The following INPP4B variants were observed in gnomAD, a reference collection of about 807,000 sequenced individuals.
The protein encoded by INPP4B is inositol polyphosphate 4-phosphatase type II.
A neutral mutation model predicts 122.5 loss-of-function variants in INPP4B; 55 were observed. The observed-to-expected ratio is 0.45, with a 90% CI of 0.36 to 0.56. The LOEUF is 0.56. Ranked by LOEUF, INPP4B falls within the 20% of genes least tolerant of loss-of-function variation. The pLI is 0.00. For synonymous variants in INPP4B, 403 were observed against 388.7 expected (o/e 1.04, Z -0.43); for missense variants, 1,000 against 1,097.7 (o/e 0.91, Z 1.26).
chr4:142,812,039 G>T (rs767034727), intron 1 of INPP4B, among the ~76,000 whole-genome samples: 3 of 152,070 alleles, frequency 2.0e-5, no homozygotes, highest in African/African-American at 7.2e-5. Context: ...CACGAGAATT[G>T]CATGGATGTA....
intron 1 of INPP4B, among the ~76,000 whole-genome samples, chr4:142,825,194 T>C (rs953180754): frequency 1.3e-5 from 2 of 152,290 alleles, no homozygotes; most frequent in South Asian, 4.1e-4. Flanking sequence ...TCTTTTGCCT[T>C]AGTACTTTTG....
intron 23 of INPP4B, among the ~76,000 whole-genome samples, chr4:142,095,001 G>A (rs1781221803): frequency 6.6e-6 from 1 of 152,076 alleles, no homozygotes; most frequent in African/African-American, 2.4e-5. Flanking sequence ...TTGACTTGAT[G>A]TGGTCTCTGA....
intron 18 of INPP4B, among the ~76,000 whole-genome samples, chr4:142,127,592 A>G (rs962325970): frequency 4.6e-5 from 7 of 152,280 alleles, no homozygotes; most frequent in African/African-American, 1.4e-4. Flanking sequence ...GATACTAACA[A>G]TATTCCAGTG....
chr4:142,057,574 A>G (rs965535396), intron 25 of INPP4B, among the ~76,000 whole-genome samples: 1 of 152,162 alleles, frequency 6.6e-6, no homozygotes, highest in African/African-American at 2.4e-5. Flanking sequence ...CAGGCTAAAC[A>G]AGAAATAGTT....
intron 2 of INPP4B, among the ~76,000 whole-genome samples, chr4:142,643,632 C>T (rs989713903): frequency 6.6e-6 from 1 of 152,094 alleles, no homozygotes; most frequent in Non-Finnish European, 1.5e-5. Context: ...TGTAACAGCT[C>T]CTTGTTCAGT....
chr4:142,436,003 C>T (rs1227038556), intron 3 of INPP4B, among the ~76,000 whole-genome samples: 2 of 152,202 alleles, frequency 1.3e-5, no homozygotes, highest in Non-Finnish European at 2.9e-5. Flanking sequence ...ACTTAATACA[C>T]TAAGCTCCCA....
At chr4:142,453,412 G>A (rs1175346375) in intron 3 of INPP4B, among the ~76,000 whole-genome samples, 1 of 152,024 alleles carries the variant, frequency 6.6e-6, no homozygotes, top group Non-Finnish European at 1.5e-5. Context: ...AATTAGTATT[G>A]ACTAAATTGT....
At chr4:142,474,880 C>T (rs993373914) in intron 2 of INPP4B, among the ~76,000 whole-genome samples, 1 of 152,150 alleles carries the variant, frequency 6.6e-6, no homozygotes, top group Non-Finnish European at 1.5e-5. Context: ...TGCCAAAGAC[C>T]ACAGCCTCCT....
intron 2 of INPP4B, among the ~76,000 whole-genome samples, chr4:142,682,433 C>A (rs1001931372): frequency 6.6e-6 from 1 of 151,696 alleles, no homozygotes; most frequent in African/African-American, 2.4e-5. Flanking sequence ...CAAAAAAACT[C>A]TGAAAAAGAA....
intron 10 of INPP4B, among the ~76,000 whole-genome samples, chr4:142,268,322 CAAAAAAAA>C (rs56908599): frequency 0.017 from 118 of 6,904 alleles, 13 homozygotes; most frequent in Admixed American, 0.059. Context: ...GACTCCGTCT[CAAAAAAAA>C]AAAAAAAAAA....
At chr4:142,387,479 TAAA>T (rs199580064) in intron 7 of INPP4B, among the ~76,000 whole-genome samples, 3 of 123,716 alleles carry the variant, frequency 2.4e-5, no homozygotes, top group Non-Finnish European at 5.0e-5. Context: ...GAAGTGCATT[TAAA>T]AAAAAAAAAA....
chr4:142,369,039 G>C (rs961066733), intron 7 of INPP4B, among the ~76,000 whole-genome samples: 2 of 151,936 alleles, frequency 1.3e-5, no homozygotes, highest in East Asian at 1.9e-4. Flanking sequence ...TGGGAGGAAG[G>C]GTTCAAAAAA....
At chr4:142,752,964 T>C (rs1328796140) in intron 1 of INPP4B, among the ~76,000 whole-genome samples, 6 of 152,140 alleles carry the variant, frequency 3.9e-5, no homozygotes, top group Non-Finnish European at 8.8e-5. Flanking sequence ...AGTGACGATC[T>C]ATAGATCTGG....
intron 2 of INPP4B, among the ~76,000 whole-genome samples, chr4:142,511,288 A>G (rs1824681349): frequency 6.6e-6 from 1 of 152,158 alleles, no homozygotes; most frequent in African/African-American, 2.4e-5. Context: ...ACAGATCAGG[A>G]CATAATGCTA....
intron 14 of INPP4B, among the ~76,000 whole-genome samples, chr4:142,198,549 T>C (rs1023035476): frequency 2.0e-5 from 3 of 151,912 alleles, no homozygotes; most frequent in Non-Finnish European, 4.4e-5. Context: ...AAAAAAATCC[T>C]TCCACAGTCT....
At position 142,650,838 on chromosome 4, in the gene INPP4B, C is replaced by G. The variant is rs150766550; in HGVS notation, c.-191+75001G>C. 9.2e-3 allele frequency among the ~76,000 whole-genome samples: 1,397 copies of G among 152,240 alleles called. 20 individuals carry two copies. Among genetic ancestry groups the G allele is most frequent in the African/African-American group, 0.032 (1,335 of 41,542 alleles). ...GAGACAGAAGGTTAACAAGGATATC[C>G]AGGACTTGAACACAGCTCTGGATCA... On this transcript the variant is annotated intron_variant, in intron 2 of 25. Transcript: ENST00000262992.
At chr4:142,091,765 G>T (rs1779656937) in intron 23 of INPP4B, among the ~76,000 whole-genome samples, 1 of 152,188 alleles carries the variant, frequency 6.6e-6, no homozygotes, top group East Asian at 1.9e-4. Flanking sequence ...CACAGGCAGG[G>T]TATTAATAAG....
intron 2 of INPP4B, among the ~76,000 whole-genome samples, chr4:142,485,287 A>T (rs1821066408): frequency 6.6e-6 from 1 of 152,104 alleles, no homozygotes; most frequent in Non-Finnish European, 1.5e-5. Flanking sequence ...AAATTTTCTC[A>T]TAAAAAAGAC....
At chr4:142,523,328 T>C (rs114449523) in intron 2 of INPP4B, among the ~76,000 whole-genome samples, 508 of 152,198 alleles carry the variant, frequency 3.3e-3, no homozygotes, top group African/African-American at 0.012. Context: ...GTTTGGAGTA[T>C]GATGAGTGGG....
Sources: gnomAD v4.1 joint callset for allele counts (sites outside exome capture counted in the v4.1 genomes callset) on GRCh38, gnomAD v4.1.1 for gene constraint, MANE v1.5 for transcripts, NCBI Gene and HGNC (gene_info 2026-07-23, HGNC 2026-07-21) for gene names.